ANKRD6: variants seen among roughly 807,000 people sequenced by gnomAD.
ANKRD6 encodes ankyrin repeat domain 6.
Under a neutral mutation model 82.3 loss-of-function variants are expected in ANKRD6, and 56 were observed. The ratio of observed to expected loss-of-function variants is 0.68; its 90% CI spans 0.55 to 0.85. ANKRD6 has a LOEUF of 0.85. ANKRD6 is among the 40% of genes least tolerant of loss of function. ANKRD6 has a pLI of 0.00. For synonymous variants in ANKRD6, 347 were observed against 352.1 expected (o/e 0.99, Z 0.16); for missense variants, 852 against 907.6 (o/e 0.94, Z 0.79).
At chr6:89,555,027 C>T (rs1287443780) in intron 1 of ANKRD6, among the ~76,000 whole-genome samples, 5 of 138,232 alleles carry the variant, frequency 3.6e-5, no homozygotes, top group Non-Finnish European at 8.0e-5. Context: ...CTATCCTCTC[C>T]TCCCTCCCCG....
At chr6:89,527,503 A>C (rs1184554339) in intron 1 of ANKRD6, among the ~76,000 whole-genome samples, 2 of 147,310 alleles carry the variant, frequency 1.4e-5, no homozygotes, top group South Asian at 4.6e-4. Flanking sequence ...CTGAGGCAGG[A>C]GAATCACTTG....
intron 4 of ANKRD6, among the ~76,000 whole-genome samples, chr6:89,605,314 A>G (rs1382141601): frequency 6.6e-6 from 1 of 151,594 alleles, no homozygotes; most frequent in Non-Finnish European, 1.5e-5. Flanking sequence ...CTCTGGAGGC[A>G]GAGGTGGCAG....
At chr6:89,505,752 GA>G (rs1464695427) in intron 1 of ANKRD6, among the ~76,000 whole-genome samples, 1 of 152,160 alleles carries the variant, frequency 6.6e-6, no homozygotes, top group Non-Finnish European at 1.5e-5. Flanking sequence ...ATATCCAAAG[GA>G]AATGAAATCA....
chr6:89,450,209 C>CAT (rs1772637009), intron 1 of ANKRD6, among the ~76,000 whole-genome samples: 1 of 151,672 alleles, frequency 6.6e-6, no homozygotes, highest in Non-Finnish European at 1.5e-5. Flanking sequence ...TGGTGGCAGG[C>CAT]GCCTATAATC....
intron 1 of ANKRD6, among the ~76,000 whole-genome samples, chr6:89,474,783 C>T (rs1775859551): frequency 6.6e-6 from 1 of 152,182 alleles, no homozygotes; most frequent in Non-Finnish European, 1.5e-5. Flanking sequence ...CCAGTGTGCA[C>T]ATCCACCCAC....
chr6:89,558,390 T>C (rs1051975005), intron 1 of ANKRD6, among the ~76,000 whole-genome samples: 1 of 152,194 alleles, frequency 6.6e-6, no homozygotes, highest in Non-Finnish European at 1.5e-5. Flanking sequence ...TGGAATATTA[T>C]TCAGCACCAG....
At chr6:89,551,123 T>C (rs914529943) in intron 1 of ANKRD6, among the ~76,000 whole-genome samples, 2 of 152,158 alleles carry the variant, frequency 1.3e-5, no homozygotes, top group African/African-American at 2.4e-5. Flanking sequence ...TCAGCAAATA[T>C]CTGAAGAGCA....
chr6:89,523,864 G>T lies in ANKRD6; in HGVS notation c.-143-42970G>T, dbSNP rs541845829. Reference sequence around the variant, plus strand: ...GAATAAATCTTTTTTGTCAGCATTTGTAATCTAGTATCAAAGAATAATCCT... The same window carrying T: ...GAATAAATCTTTTTTGTCAGCATTTTTAATCTAGTATCAAAGAATAATCCT... On this transcript the variant is annotated intron_variant, in intron 1 of 15. Transcript: ENST00000339746. Among the ~76,000 whole-genome samples the T allele has an allele frequency of 6.6e-5, 10 of 152,166 alleles. No individual in the cohort carries two copies. The South Asian group carries it at 1.2e-3, about 19-fold the overall frequency.
At chr6:89,621,382 G>A (rs1266631445) in intron 9 of ANKRD6, 1 of 158,336 alleles carries the variant, frequency 6.3e-6, no homozygotes, top group East Asian at 1.8e-4. Flanking sequence ...TCCTTTTGGG[G>A]AAGAGATAAC....
At chr6:89,446,892 A>T (rs1772154818) in intron 1 of ANKRD6, among the ~76,000 whole-genome samples, 1 of 151,960 alleles carries the variant, frequency 6.6e-6, no homozygotes, top group Non-Finnish European at 1.5e-5. Context: ...TTTGATTGGC[A>T]CTTCTTGCTG....
intron 1 of ANKRD6, among the ~76,000 whole-genome samples, chr6:89,556,054 G>A (rs1370779534): frequency 2.0e-5 from 3 of 152,216 alleles, no homozygotes; most frequent in African/African-American, 7.2e-5. Context: ...CAGAGGAAGA[G>A]CAGTCCATAG....
intron 5 of ANKRD6, among the ~76,000 whole-genome samples, chr6:89,610,249 C>T (rs756170285): frequency 7.9e-5 from 12 of 152,134 alleles, no homozygotes; most frequent in South Asian, 2.1e-4. Context: ...TGTTCCTTTG[C>T]GCCCTCTGGT....
rs140961302 is a variant in ANKRD6 at position 89,627,570 on chromosome 6, A to G, written c.1372-13A>G. On this transcript the variant is annotated splice_polypyrimidine_tract_variant and intron_variant, in intron 13 of 15. Coordinates refer to ENST00000339746, the MANE Select transcript of ANKRD6 (RefSeq NM_001242809.2). ...TCATCTCAGTCTTACACTCTGCTCC[A>G]CTTCACTCCTAGATGCGTGTTTTGG... The G allele has an allele frequency of 1.5e-4, 241 of 1,612,912 alleles. 1 individual carries two copies. The East Asian group carries it at 5.3e-3, about 35-fold the overall frequency.
intron 1 of ANKRD6, among the ~76,000 whole-genome samples, chr6:89,504,251 T>A (rs1015539253): frequency 6.6e-6 from 1 of 151,872 alleles, no homozygotes; most frequent in Admixed American, 6.6e-5. Flanking sequence ...CGAGGGAGAA[T>A]GATCGTATCC....
chr6:89,603,591 C>T (rs1797768872), intron 4 of ANKRD6, among the ~76,000 whole-genome samples: 1 of 152,062 alleles, frequency 6.6e-6, no homozygotes, highest in African/African-American at 2.4e-5. Flanking sequence ...CTATGTAGGC[C>T]TGGGTCGGGG....
At chr6:89,615,381 C>T (rs899321856) in intron 7 of ANKRD6, among the ~76,000 whole-genome samples, 2 of 152,188 alleles carry the variant, frequency 1.3e-5, no homozygotes, top group African/African-American at 4.8e-5. Context: ...TCAAGTAGCA[C>T]GGCCTCCCCA....
In ANKRD6 at chr6:89,614,838, G is replaced by GAA. The variant is rs5878102; in HGVS notation, c.615+960_615+961dup. On this transcript the variant is annotated intron_variant, in intron 7 of 15. Coordinates refer to ENST00000339746, the MANE Select transcript of ANKRD6 (RefSeq NM_001242809.2). Reference sequence around the variant, plus strand: ...AGAATGAGACCCCGTCTCTTTAAAGGAAAAAAAAAAAAACAAAAAAAAAAA... The same window carrying GAA: ...AGAATGAGACCCCGTCTCTTTAAAGGAAAAAAAAAAAAAAACAAAAAAAAAAA... Among the ~76,000 whole-genome samples the GAA allele has an allele frequency of 6.8e-3, 889 of 130,310 alleles. 3 individuals carry two copies. Among genetic ancestry groups the GAA allele is most frequent in the Non-Finnish European group, 9.2e-3 (568 of 62,060 alleles). 85.5% of individuals were successfully genotyped at this position (130,310 alleles called of 152,430 possible).
chr6:89,495,282 T>C (rs1213184817), intron 1 of ANKRD6, among the ~76,000 whole-genome samples: 3 of 152,082 alleles, frequency 2.0e-5, no homozygotes, highest in Non-Finnish European at 4.4e-5. Flanking sequence ...AACTGGCTTT[T>C]CTAAGGCCAT....
intron 1 of ANKRD6, among the ~76,000 whole-genome samples, chr6:89,453,708 T>A (rs1166416311): frequency 6.6e-6 from 1 of 151,986 alleles, no homozygotes; most frequent in African/African-American, 2.4e-5. Flanking sequence ...GCCTGCCGAG[T>A]AGCTGAGACT....
Sources: gnomAD v4.1 joint callset for allele counts (sites outside exome capture counted in the v4.1 genomes callset) on GRCh38, gnomAD v4.1.1 for gene constraint, MANE v1.5 for transcripts, NCBI Gene and HGNC (gene_info 2026-07-23, HGNC 2026-07-21) for gene names.